Variants in IL16 observed in about 807,000 individuals in gnomAD.
IL16 encodes the protein interleukin 16.
IL16 carries 67 observed loss-of-function variants against 110.1 expected under a neutral mutation model. That is an observed-to-expected ratio of 0.61 (90% CI 0.50 to 0.75). The LOEUF (loss-of-function observed/expected upper bound fraction) is 0.75. IL16 is among the 30% of genes least tolerant of loss of function. The pLI, the probability that IL16 is intolerant of heterozygous loss-of-function variation, is 0.00. For missense variants in IL16, 1,545 were observed against 1,655.0 expected (o/e 0.93, Z 1.15); for synonymous variants, 689 against 662.9 (o/e 1.04, Z -0.61).
chr15:81,253,741 C>T (rs1291441370), intron 2 of IL16, among the ~76,000 whole-genome samples: 1 of 152,186 alleles, frequency 6.6e-6, no homozygotes, highest in Non-Finnish European at 1.5e-5. Flanking sequence ...TCTATACCCC[C>T]TAGGGCATTG....
chr15:81,303,476 G>C lies in IL16; in HGVS notation c.3319-73G>C, dbSNP rs961761008. On this transcript the variant is annotated intron_variant, in intron 15 of 18. Coordinates refer to ENST00000683961, the MANE Select transcript of IL16 (RefSeq NM_172217.5). The surrounding 1 kb of genome is among the most constrained non-coding windows in gnomAD (Gnocchi z 4.1). The stretch of plus-strand genomic sequence containing the variant: ...GGGGTTTGAGATAACAAATCAGTCT[G>C]ATGTCAGTCCGATGTTAAATTGTTC... 6 of 1,034,542 alleles carry C rather than the reference G, an allele frequency of 5.8e-6. No homozygotes were observed. The highest frequency in any genetic ancestry group is 9.0e-6 in the Non-Finnish European group (6 of 667,046). The allele number at this position is 1,034,542 out of a possible 1,614,324, so 64.1% of individuals were successfully genotyped here. A position where few individuals can be genotyped will look rare whatever the true frequency, so the allele number is the denominator to read the frequency against.
intron 2 of IL16, among the ~76,000 whole-genome samples, chr15:81,254,059 C>T (rs1365749873): frequency 1.3e-5 from 2 of 152,184 alleles, no homozygotes; most frequent in South Asian, 2.1e-4. Context: ...TCAATTCAAC[C>T]ACAGGAAATA....
At chr15:81,244,725 T>C (rs187973443) in intron 2 of IL16, among the ~76,000 whole-genome samples, 100 of 152,288 alleles carry the variant, frequency 6.6e-4, no homozygotes, top group African/African-American at 2.3e-3. Context: ...TTCATCTCTT[T>C]TCCTAAATTT....
At chr15:81,297,110 G>A in intron 13 of IL16, 32 bp downstream of exon 13, 7 of 1,592,636 alleles carry the variant, frequency 4.4e-6, no homozygotes, top group East Asian at 2.2e-5. Context: ...CCAAAAGGAA[G>A]GGTCTTTTGA....
At chr15:81,278,226 C>T (rs149124318) in intron 6 of IL16, among the ~76,000 whole-genome samples, 71 of 152,170 alleles carry the variant, frequency 4.7e-4, no homozygotes, top group African/African-American at 1.6e-3. Flanking sequence ...TCTAATAAGA[C>T]AAAATCCCTG....
intron 1 of IL16, among the ~76,000 whole-genome samples, chr15:81,198,321 C>T (rs780607064): frequency 1.1e-4 from 17 of 152,028 alleles, no homozygotes; most frequent in African/African-American, 3.1e-4. Flanking sequence ...ATCCCCAAAC[C>T]GAGAGGTGAG....
chr15:81,313,275 A>T lies in IL16; in HGVS notation c.*4477A>T. 6.3e-7 allele frequency: 1 copy of T among 1,575,438 alleles called. No individual in the cohort carries two copies. The highest frequency in any genetic ancestry group is 8.6e-7 in the Non-Finnish European group (1 of 1,161,332). The stretch of plus-strand genomic sequence containing the variant: ...ATAGCATTACTCATGGAATTGCTTC[A>T]CTGCTTTCTGAAGGTTGGCATAAAA... On this transcript the variant is annotated 3_prime_UTR_variant, in exon 19 of 19. Transcript: ENST00000683961.
At chr15:81,213,531 G>A (rs1179430545) in intron 1 of IL16, among the ~76,000 whole-genome samples, 1 of 152,126 alleles carries the variant, frequency 6.6e-6, no homozygotes, top group Non-Finnish European at 1.5e-5. Context: ...AAGTCTTTTT[G>A]TAGGCCAAGA....
intron 1 of IL16, among the ~76,000 whole-genome samples, chr15:81,191,839 G>T (rs1278348126): frequency 6.6e-6 from 1 of 152,194 alleles, no homozygotes. Flanking sequence ...AGGCCAGGGT[G>T]GCTGTGGGAT....
chr15:81,296,207 CT>C (rs1230033375), intron 12 of IL16, among the ~76,000 whole-genome samples: 2 of 152,180 alleles, frequency 1.3e-5, no homozygotes, highest in African/African-American at 4.8e-5. Context: ...TCTCTGTTTC[CT>C]CTGGGCCCTG....
chr15:81,199,030 AATATATAT>A (rs60097662), intron 1 of IL16, among the ~76,000 whole-genome samples: 1,984 of 104,142 alleles, frequency 0.019, 32 homozygotes, highest in African/African-American at 0.025. Flanking sequence ...AAAAAAAAAA[AATATATAT>A]ATATATATAT....
At position 81,207,079 on chromosome 15, in the gene IL16, A is replaced by G. The variant is rs1182491334; in HGVS notation, c.-102+9927A>G. Among the ~76,000 whole-genome samples, 4 of 151,182 alleles carry G rather than the reference A, an allele frequency of 2.6e-5. No homozygotes were observed. The East Asian group carries it at 7.8e-4, about 30-fold the overall frequency. On this transcript the variant is annotated intron_variant, in intron 1 of 18. Transcript: ENST00000683961. ...AAACCCCGTCTCTACTAAAAAAACC[A>G]CAAAAAATTAGCCAGGCGTGGTGGT... is the stretch of plus-strand genomic sequence containing the variant.
At chr15:81,262,487 A>AT (rs11295320) in intron 3 of IL16, among the ~76,000 whole-genome samples, 13 of 150,920 alleles carry the variant, frequency 8.6e-5, no homozygotes, top group South Asian at 4.2e-4. Flanking sequence ...ATCTAGGTAG[A>AT]TTTTTTTTTT....
chr15:81,259,020 A>G (rs1898056584), intron 2 of IL16, among the ~76,000 whole-genome samples: 1 of 152,190 alleles, frequency 6.6e-6, no homozygotes, highest in African/African-American at 2.4e-5. Context: ...AGAGATATAT[A>G]ATAAATTAAC....
At chr15:81,258,732 TCTCTCTCTCTCTCTCTGTCACTCG>T (rs953148859) in intron 2 of IL16, among the ~76,000 whole-genome samples, 5 of 140,036 alleles carry the variant, frequency 3.6e-5, no homozygotes, top group Non-Finnish European at 7.5e-5. Flanking sequence ...GCGCACGCGC[TCTCTCTCTCTCTCTCTGTCACTCG>T]CTCTCTCTCT....
chr15:81,232,147 G>A (rs11635456), intron 2 of IL16, among the ~76,000 whole-genome samples: 11,048 of 137,540 alleles, frequency 0.08, 443 homozygotes, highest in Middle Eastern at 0.11. Context: ...TGGCTTTATA[G>A]ATCAATCTGA....
At chr15:81,231,276 C>A (rs1402409309) in intron 2 of IL16, among the ~76,000 whole-genome samples, 1 of 138,754 alleles carries the variant, frequency 7.2e-6, no homozygotes, top group Non-Finnish European at 1.5e-5. Flanking sequence ...GCTGAGGAGA[C>A]CAGAGGAGAG....
rs1229001534 is a variant in IL16 at position 81,296,764 on chromosome 15, C to T, written c.1903-164C>T. The T allele has an allele frequency of 6.6e-5, 42 of 634,044 alleles. No homozygotes were observed. The Middle Eastern group carries it at 1.3e-3, about 20-fold the overall frequency. The allele number at this position is 634,044 out of a possible 1,614,324, so 39.3% of individuals were successfully genotyped here. On this transcript the variant is annotated intron_variant, in intron 12 of 18. Transcript: ENST00000683961. ...TGTCTAGGAGGTGCTGGCTCTGCCACGTCAGCACCAAGGAGAAAAGAATCC... is the reference window on the plus strand; with the variant it reads ...TGTCTAGGAGGTGCTGGCTCTGCCATGTCAGCACCAAGGAGAAAAGAATCC...
At chr15:81,249,481 A>T (rs763220392) in intron 2 of IL16, among the ~76,000 whole-genome samples, 19 of 152,102 alleles carry the variant, frequency 1.2e-4, no homozygotes, top group Non-Finnish European at 2.4e-4. Flanking sequence ...ATACAATTCT[A>T]TGTTGATGAT....
Sources: gnomAD v4.1 joint callset for allele counts (sites outside exome capture counted in the v4.1 genomes callset) on GRCh38, gnomAD v4.1.1 for gene constraint, Gnocchi (gnomAD v3.1) non-coding constraint, MANE v1.5 for transcripts, NCBI Gene and HGNC (gene_info 2026-07-23, HGNC 2026-07-21) for gene names.